The following ZFPM2 variants were observed in gnomAD, a reference collection of about 807,000 sequenced individuals.
ZFPM2 encodes zinc finger protein, FOG family member 2, also known as zinc finger protein ZFPM2.
Under a neutral mutation model 98.6 loss-of-function variants are expected in ZFPM2, and 20 were observed. The observed-to-expected ratio is 0.20, with a 90% CI of 0.14 to 0.29. ZFPM2 has a LOEUF of 0.29. ZFPM2 is among the 10% of genes least tolerant of loss of function. The pLI is 1.00. For missense variants in ZFPM2, 1,310 were observed against 1,388.6 expected, an observed-to-expected ratio of 0.94 and a Z score of 0.90; for synonymous variants, 518 against 502.7, an observed-to-expected ratio of 1.03 and a Z score of -0.41.
intron 6 of ZFPM2, among the ~76,000 whole-genome samples, chr8:105,789,912 G>A (rs1197410504): frequency 2.0e-5 from 3 of 150,170 alleles, no homozygotes; most frequent in East Asian, 3.9e-4. Context: ...CATGTCCTTC[G>A]CCCACTTTTT....
At chr8:105,670,113 A>G (rs886636971) in intron 5 of ZFPM2, 10 of 152,146 alleles carry the variant, frequency 6.6e-5, no homozygotes, top group Admixed American at 2.0e-4. Flanking sequence ...ATATTATTTC[A>G]TATGTGAGAT....
intron 2 of ZFPM2, among the ~76,000 whole-genome samples, chr8:105,435,944 G>T (rs552032354): frequency 3.7e-4 from 57 of 152,116 alleles, no homozygotes; most frequent in Non-Finnish European, 7.4e-4. Flanking sequence ...AGTTTTCTGA[G>T]ATAAAGTTAG....
At chr8:105,580,409 T>C (rs1815563820) in intron 4 of ZFPM2, among the ~76,000 whole-genome samples, 1 of 152,206 alleles carries the variant, frequency 6.6e-6, no homozygotes, top group Admixed American at 6.5e-5. Flanking sequence ...GTACTTTTTC[T>C]AGGAAAAATA....
chr8:105,754,992 G>T (rs555332843), intron 5 of ZFPM2, among the ~76,000 whole-genome samples: 18 of 151,704 alleles, frequency 1.2e-4, no homozygotes, highest in Non-Finnish European at 2.4e-4. Context: ...GTGCACGTGC[G>T]CATGTGCGCA....
intron 5 of ZFPM2, among the ~76,000 whole-genome samples, chr8:105,740,958 G>C (rs1793960499): frequency 6.6e-6 from 1 of 152,016 alleles, no homozygotes; most frequent in African/African-American, 2.4e-5. Flanking sequence ...GGAGTTAAAG[G>C]AATGAACCAT....
intron 5 of ZFPM2, among the ~76,000 whole-genome samples, chr8:105,673,802 A>G (rs1817641019): frequency 6.6e-6 from 1 of 152,204 alleles, no homozygotes; most frequent in Admixed American, 6.5e-5. Context: ...TCTTAATGAA[A>G]TGTATGACAA....
chr8:105,780,409 A>C (rs1217148141), intron 5 of ZFPM2: 1 of 152,230 alleles, frequency 6.6e-6, no homozygotes, highest in Non-Finnish European at 1.5e-5. Context: ...AAATCACTTC[A>C]AAATAATAAA....
chr8:105,556,185 A>T (rs993727170), intron 3 of ZFPM2, among the ~76,000 whole-genome samples: 6 of 152,134 alleles, frequency 3.9e-5, no homozygotes, highest in African/African-American at 2.4e-5. Context: ...GGTTGTCTAC[A>T]TCTGAGTTGA....
chr8:105,637,790 G>A (rs1411499519), intron 5 of ZFPM2, among the ~76,000 whole-genome samples: 2 of 152,114 alleles, frequency 1.3e-5, no homozygotes. Flanking sequence ...TGTATGATAA[G>A]ACTCCTCAAA....
chr8:105,393,894 CTTT>C (rs771677766), intron 1 of ZFPM2, among the ~76,000 whole-genome samples: 6 of 134,688 alleles, frequency 4.5e-5, no homozygotes, highest in African/African-American at 5.5e-5. Context: ...TAAAATATTT[CTTT>C]TTTTTTTTTT....
intron 3 of ZFPM2, among the ~76,000 whole-genome samples, chr8:105,445,523 G>T (rs540947477): frequency 6.6e-6 from 1 of 151,912 alleles, no homozygotes; most frequent in Admixed American, 6.6e-5. Flanking sequence ...AAAAAAAGTA[G>T]GGAAAAGATT....
At chr8:105,443,011 A>G (rs752875357) in intron 2 of ZFPM2, among the ~76,000 whole-genome samples, 17 of 152,028 alleles carry the variant, frequency 1.1e-4, no homozygotes, top group Non-Finnish European at 2.1e-4. Flanking sequence ...AATTTAATTT[A>G]AAAATCTTGG....
chr8:105,667,334 A>C (rs988582165), intron 5 of ZFPM2, among the ~76,000 whole-genome samples: 4 of 152,204 alleles, frequency 2.6e-5, no homozygotes, highest in Non-Finnish European at 4.4e-5. Context: ...ATATGATGAA[A>C]TGTACCAACA....
chr8:105,609,045 G>GAC (rs1816252921), intron 4 of ZFPM2, among the ~76,000 whole-genome samples: 2 of 151,902 alleles, frequency 1.3e-5, no homozygotes, highest in Non-Finnish European at 1.5e-5. Context: ...CAAATGCAAT[G>GAC]ACACACACAC....
chr8:105,453,871 C>T lies in ZFPM2; in HGVS notation c.301+9490C>T, dbSNP rs189646356. Among the ~76,000 whole-genome samples, 82 of 152,080 alleles carry T rather than the reference C, an allele frequency of 5.4e-4. 1 individual carries two copies. The highest frequency in any genetic ancestry group is 6.8e-3 in the Middle Eastern group (2 of 294). On this transcript the variant is annotated intron_variant, in intron 3 of 7. Coordinates refer to ENST00000407775, the MANE Select transcript of ZFPM2 (RefSeq NM_012082.4). The stretch of plus-strand genomic sequence containing the variant: ...AACTCCTGACCTCAAGTGATCCACC[C>T]GCCTCAGCCTCCCAAAGTGTCTAGA...
chr8:105,348,375 A>G (rs983986568), intron 1 of ZFPM2, among the ~76,000 whole-genome samples: 1 of 152,224 alleles, frequency 6.6e-6, no homozygotes, highest in Non-Finnish European at 1.5e-5. Context: ...GCTCTGTGTT[A>G]TCTCTGTAGT....
intron 4 of ZFPM2, among the ~76,000 whole-genome samples, chr8:105,629,352 G>A (rs1333886984): frequency 6.6e-6 from 1 of 152,200 alleles, no homozygotes; most frequent in Non-Finnish European, 1.5e-5. Flanking sequence ...ATCAATGACT[G>A]TGGAATAACA....
At chr8:105,434,578 G>A (rs1165939880) in intron 2 of ZFPM2, among the ~76,000 whole-genome samples, 2 of 152,086 alleles carry the variant, frequency 1.3e-5, no homozygotes, top group African/African-American at 4.8e-5. Flanking sequence ...CCTAACTATA[G>A]GAAGCACCTG....
chr8:105,481,742 C>G (rs1486201209), intron 3 of ZFPM2, among the ~76,000 whole-genome samples: 1 of 152,102 alleles, frequency 6.6e-6, no homozygotes, highest in Non-Finnish European at 1.5e-5. Flanking sequence ...TAGTTGATAT[C>G]CAGGTAAGAA....
Sources: gnomAD v4.1 joint callset for allele counts (sites outside exome capture counted in the v4.1 genomes callset) on GRCh38, gnomAD v4.1.1 for gene constraint, MANE v1.5 for transcripts, NCBI Gene and HGNC (gene_info 2026-07-23, HGNC 2026-07-21) for gene names.